The following SGCZ variants were observed in gnomAD, a reference collection of about 807,000 sequenced individuals.
The protein encoded by SGCZ is zeta-sarcoglycan.
Under a neutral mutation model 41.3 loss-of-function variants are expected in SGCZ, and 40 were observed. That is an observed-to-expected ratio of 0.97 (90% confidence interval 0.75 to 1.26). The LOEUF (loss-of-function observed/expected upper bound fraction) is 1.26. Among genes scored for constraint, SGCZ ranks in the 50% most tolerant of loss-of-function variants. The pLI, the probability that SGCZ is intolerant of heterozygous loss-of-function variation, is 0.00. For synonymous variants in SGCZ, 206 were observed against 137.5 expected, an observed-to-expected ratio of 1.50 and a Z score of -3.49; for missense variants, 552 against 369.8, an observed-to-expected ratio of 1.49 and a Z score of -4.04.
chr8:14,435,751 T>C (rs148944594), intron 2 of SGCZ, among the ~76,000 whole-genome samples: 1 of 152,196 alleles, frequency 6.6e-6, no homozygotes, highest in Non-Finnish European at 1.5e-5. Context: ...GAAATACACA[T>C]ATGACTAAAC....
At chr8:15,092,477 CTGAG>C (rs1261456657) in intron 1 of SGCZ, among the ~76,000 whole-genome samples, 3 of 152,080 alleles carry the variant, frequency 2.0e-5, no homozygotes, top group South Asian at 2.1e-4. Context: ...GCTAGCTAGC[CTGAG>C]TATTAAATCA....
intron 3 of SGCZ, among the ~76,000 whole-genome samples, chr8:14,318,443 T>C (rs775344677): frequency 6.6e-6 from 1 of 151,918 alleles, no homozygotes; most frequent in African/African-American, 2.4e-5. Flanking sequence ...GATTATTTCA[T>C]AGCACCACAG....
chr8:14,845,313 C>A (rs529215744), intron 1 of SGCZ, among the ~76,000 whole-genome samples: 1 of 152,228 alleles, frequency 6.6e-6, no homozygotes, highest in Non-Finnish European at 1.5e-5. Context: ...ACATGCCTAA[C>A]AATTCTTAAA....
chr8:14,721,331 C>T (rs1221930915), intron 1 of SGCZ, among the ~76,000 whole-genome samples: 1 of 152,188 alleles, frequency 6.6e-6, no homozygotes, highest in Admixed American at 6.5e-5. Context: ...GCCTCATGGA[C>T]ATTTTCACTT....
chr8:15,023,621 T>A (rs532413153), intron 1 of SGCZ, among the ~76,000 whole-genome samples: 1 of 152,326 alleles, frequency 6.6e-6, no homozygotes, highest in South Asian at 2.1e-4. Flanking sequence ...AGAAATGTGA[T>A]ACTGCTACAA....
At chr8:15,208,904 G>C (rs268366) in intron 1 of SGCZ, among the ~76,000 whole-genome samples, 1 of 98,350 alleles carries the variant, frequency 1.0e-5, no homozygotes, top group African/African-American at 3.5e-5. Context: ...CATATATATA[G>C]AGAGAGAGAG....
intron 1 of SGCZ, among the ~76,000 whole-genome samples, chr8:14,924,410 T>C (rs1164231214): frequency 1.3e-5 from 2 of 152,202 alleles, no homozygotes; most frequent in Non-Finnish European, 2.9e-5. Flanking sequence ...CCTAATAAGA[T>C]TTCAAATGTC....
At chr8:14,853,983 A>C (rs1289837126) in intron 1 of SGCZ, among the ~76,000 whole-genome samples, 1 of 144,138 alleles carries the variant, frequency 6.9e-6, no homozygotes, top group African/African-American at 2.5e-5. Flanking sequence ...CTCCTAAGTC[A>C]TTCATTTTGT....
rs1464863444 is a variant in SGCZ, at chr8:15,159,750, CCACCCCCG to C, written c.39+77827_39+77834del. ...GCCCCCGCCCCCCCCACCCTCCCCC[CCACCCCCG>C]CCACACACACACAGATGGTGTCTGA... On this transcript the variant is annotated intron_variant, in intron 1 of 7. Coordinates refer to ENST00000382080, the MANE Select transcript of SGCZ (RefSeq NM_139167.4). Among the ~76,000 whole-genome samples, 7 of 51,062 alleles carry C rather than the reference CCACCCCCG, an allele frequency of 1.4e-4. No individual in the cohort carries two copies. The East Asian group carries it at 3.4e-3, about 25-fold the overall frequency. The allele number at this position is 51,062 out of a possible 152,430, so 33.5% of individuals were successfully genotyped here. A position where few individuals can be genotyped will look rare whatever the true frequency, so the allele number is the denominator to read the frequency against.
At chr8:14,266,250 G>A (rs1799860759) in intron 3 of SGCZ, among the ~76,000 whole-genome samples, 2 of 152,016 alleles carry the variant, frequency 1.3e-5, no homozygotes, top group South Asian at 2.1e-4. Flanking sequence ...CCATTACTAT[G>A]GGGCAGGGAT....
intron 1 of SGCZ, among the ~76,000 whole-genome samples, chr8:14,817,973 C>T (rs1801957929): frequency 6.6e-6 from 1 of 152,148 alleles, no homozygotes; most frequent in South Asian, 2.1e-4. Context: ...AGGCACCTCG[C>T]CCAGATATGC....
chr8:14,258,811 T>A (rs185388456), intron 3 of SGCZ, among the ~76,000 whole-genome samples: 2 of 152,130 alleles, frequency 1.3e-5, no homozygotes, highest in African/African-American at 4.8e-5. Flanking sequence ...CGCAGCACAA[T>A]AGAAATAAAT....
chr8:14,170,834 C>T (rs780913587), intron 4 of SGCZ, among the ~76,000 whole-genome samples: 9 of 151,866 alleles, frequency 5.9e-5, no homozygotes, highest in Non-Finnish European at 1.3e-4. Flanking sequence ...ATGTCACATG[C>T]AATGAACAAA....
intron 2 of SGCZ, among the ~76,000 whole-genome samples, chr8:14,421,129 G>A (rs1427423225): frequency 2.0e-5 from 3 of 152,088 alleles, no homozygotes; most frequent in Non-Finnish European, 4.4e-5. Context: ...TAACAAATTT[G>A]TGAGAGGATT....
chr8:15,102,567 C>T (rs935724488), intron 1 of SGCZ, among the ~76,000 whole-genome samples: 2 of 152,088 alleles, frequency 1.3e-5, no homozygotes, highest in Admixed American at 6.5e-5. Context: ...ATATAACAAG[C>T]ATACCACGCT....
chr8:14,382,377 G>A (rs1585431159), intron 2 of SGCZ, among the ~76,000 whole-genome samples: 1 of 151,564 alleles, frequency 6.6e-6, no homozygotes, highest in East Asian at 2.0e-4. Flanking sequence ...TGAGGCCTCA[G>A]AAATATACAG....
At chr8:14,358,665 G>T (rs1471075455) in intron 2 of SGCZ, among the ~76,000 whole-genome samples, 1 of 152,168 alleles carries the variant, frequency 6.6e-6, no homozygotes, top group East Asian at 1.9e-4. Context: ...AGGCTGGAGT[G>T]CAGTGGTGTG....
At chr8:15,001,110 T>C (rs1377862786) in intron 1 of SGCZ, among the ~76,000 whole-genome samples, 2 of 152,182 alleles carry the variant, frequency 1.3e-5, no homozygotes, top group African/African-American at 4.8e-5. Context: ...CCTCTTGGAA[T>C]TCAATGCCAT....
At chr8:14,918,901 T>C (rs947461321) in intron 1 of SGCZ, among the ~76,000 whole-genome samples, 1 of 152,116 alleles carries the variant, frequency 6.6e-6, no homozygotes, top group African/African-American at 2.4e-5. Flanking sequence ...TACATAAATA[T>C]CATCAATCGG....
Sources: gnomAD v4.1 joint callset for allele counts (sites outside exome capture counted in the v4.1 genomes callset) on GRCh38, gnomAD v4.1.1 for gene constraint, MANE v1.5 for transcripts, NCBI Gene and HGNC (gene_info 2026-07-23, HGNC 2026-07-21) for gene names.